The following PRKACB variants were observed in gnomAD, a reference collection of about 807,000 sequenced individuals.
PRKACB encodes cAMP-dependent protein kinase catalytic subunit beta.
PRKACB carries 16 observed loss-of-function variants against 51.4 expected under a neutral mutation model. That is an observed-to-expected ratio of 0.31 (90% CI 0.21 to 0.47). PRKACB has a LOEUF of 0.47. PRKACB is among the 20% of genes least tolerant of loss of function. The probability of loss-of-function intolerance (pLI) is 1.00; values close to 1 mark genes in which losing one functional copy is unlikely to be tolerated. For missense variants in PRKACB, 309 were observed against 464.5 expected (o/e 0.67, Z 3.08); for synonymous variants, 147 against 154.4 (o/e 0.95, Z 0.35).
At chr1:84,182,111 T>C in intron 2 of PRKACB, 89 bp from the exon 3 acceptor site, 3 of 973,592 alleles carry the variant, frequency 3.1e-6, no homozygotes, top group Non-Finnish European at 4.2e-6. Flanking sequence ...AATGGGATTA[T>C]CCATTATGAT....
intron 1 of PRKACB, among the ~76,000 whole-genome samples, chr1:84,100,715 C>T (rs1197468006): frequency 6.6e-6 from 1 of 152,138 alleles, no homozygotes; most frequent in Non-Finnish European, 1.5e-5. Flanking sequence ...ATCTACCTAC[C>T]TATCAAGTTT....
chr1:84,162,435 T>C (rs1322543415), intron 1 of PRKACB, among the ~76,000 whole-genome samples: 7 of 152,052 alleles, frequency 4.6e-5, no homozygotes, highest in Admixed American at 2.6e-4. Context: ...GTTGGTTCCC[T>C]TGATATCCCA....
intron 1 of PRKACB, among the ~76,000 whole-genome samples, chr1:84,144,759 G>A (rs1653814320): frequency 6.6e-6 from 1 of 151,974 alleles, no homozygotes; most frequent in South Asian, 2.1e-4. Flanking sequence ...TTTTATTTTT[G>A]ACTAAGTTCA....
Position 84,214,175 on chromosome 1 carries a change from G to C in PRKACB, c.929G>C (p.Ser310Thr), listed in dbSNP as rs1331562094. Residue 310 changes from serine (S) to threonine (T), a missense_variant, in exon 9 of 10, where the codon AGT (serine) becomes ACT (threonine). Coordinates refer to ENST00000370685, the MANE Select transcript of PRKACB (RefSeq NM_182948.4). ...SGKVRFPSHF[S>T]SDLKDLLRNL... is the part of the protein sequence containing the mutation. ...TAGGTCCGATTCCCATCCCACTTCA[G>C]TTCAGATCTCAAGGACCTTCTACGG... 1.2e-6 allele frequency: 2 copies of C among 1,612,022 alleles called. No homozygotes were observed.
At chr1:84,168,901 G>A (rs1658442487) in intron 1 of PRKACB, among the ~76,000 whole-genome samples, 1 of 151,450 alleles carries the variant, frequency 6.6e-6, no homozygotes, top group African/African-American at 2.4e-5. Context: ...GACATAGAAG[G>A]CATCACTACC....
intron 1 of PRKACB, among the ~76,000 whole-genome samples, chr1:84,169,433 G>T (rs1658649165): frequency 6.6e-6 from 1 of 151,538 alleles, no homozygotes; most frequent in Non-Finnish European, 1.5e-5. Flanking sequence ...AATAAACCTG[G>T]CATTTTTAGA....
chr1:84,133,227 A>C (rs1343914284), intron 1 of PRKACB, among the ~76,000 whole-genome samples: 3 of 152,164 alleles, frequency 2.0e-5, no homozygotes, highest in Non-Finnish European at 4.4e-5. Flanking sequence ...AGTAGAGTAA[A>C]ATATTTTAAA....
intron 1 of PRKACB, among the ~76,000 whole-genome samples, chr1:84,154,024 C>T (rs1310281624): frequency 6.6e-6 from 1 of 152,102 alleles, no homozygotes; most frequent in Non-Finnish European, 1.5e-5. Context: ...AGGTCTTAAC[C>T]AGTGCTTGTT....
At chr1:84,087,618 A>G (rs1282728930) in intron 1 of PRKACB, among the ~76,000 whole-genome samples, 1 of 152,104 alleles carries the variant, frequency 6.6e-6, no homozygotes, top group Non-Finnish European at 1.5e-5. Context: ...GCTGGACTCA[A>G]ACTCCTGGGC....
At chr1:84,144,208 T>A (rs901287940), upstream of PRKACB, 1 of 1,377,464 alleles carries the variant, frequency 7.3e-7, no homozygotes, top group Non-Finnish European at 9.5e-7. Flanking sequence ...ATGTGCTGTT[T>A]TATATTAACA....
intron 8 of PRKACB, among the ~76,000 whole-genome samples, chr1:84,210,553 T>C (rs1671975557): frequency 6.6e-6 from 1 of 152,188 alleles, no homozygotes; most frequent in African/African-American, 2.4e-5. Flanking sequence ...GGAGCTCAGA[T>C]TCCTTATCTT....
intron 1 of PRKACB, among the ~76,000 whole-genome samples, chr1:84,115,630 C>T (rs960125185): frequency 2.6e-5 from 4 of 151,846 alleles, no homozygotes; most frequent in African/African-American, 7.3e-5. Flanking sequence ...CGCCTATAAT[C>T]TCAGCACTTT....
chr1:84,103,506 A>G (rs1649509180), intron 1 of PRKACB, among the ~76,000 whole-genome samples: 1 of 152,164 alleles, frequency 6.6e-6, no homozygotes, highest in Non-Finnish European at 1.5e-5. Flanking sequence ...CCTTTTAGTC[A>G]GCCCAGCCTT....
intron 1 of PRKACB, among the ~76,000 whole-genome samples, chr1:84,163,007 G>T (rs1177240713): frequency 2.0e-5 from 3 of 151,908 alleles, no homozygotes; most frequent in Non-Finnish European, 4.4e-5. Context: ...TGTGACTACT[G>T]ATTTCTCTGC....
intron 1 of PRKACB, among the ~76,000 whole-genome samples, chr1:84,095,769 T>A (rs967312885): frequency 2.0e-5 from 3 of 152,032 alleles, no homozygotes; most frequent in Admixed American, 6.6e-5. Flanking sequence ...TACATGTATA[T>A]GTAAAATTTC....
rs183539914 is a variant in PRKACB at position 84,211,076 on chromosome 1, G to T, written c.907-3077G>T. Among the ~76,000 whole-genome samples the T allele has an allele frequency of 2.9e-3, 434 of 151,080 alleles. 2 individuals carry two copies. The highest frequency in any genetic ancestry group is 3.4e-3 in the Non-Finnish European group (228 of 67,770). On this transcript the variant is annotated intron_variant, in intron 8 of 9. Transcript: ENST00000370685. ...GAGGATATGTCTATGATTTGAAAAG[G>T]TTCCCAAATCGTTCTGATATCTGCT...
intron 1 of PRKACB, among the ~76,000 whole-genome samples, chr1:84,165,394 A>G (rs929586465): frequency 4.0e-5 from 6 of 151,784 alleles, no homozygotes; most frequent in Non-Finnish European, 8.8e-5. Context: ...TGTCATTCCT[A>G]ATGCTAATTT....
intron 1 of PRKACB, among the ~76,000 whole-genome samples, chr1:84,093,933 A>G (rs1041351186): frequency 2.2e-4 from 34 of 151,962 alleles, no homozygotes; most frequent in African/African-American, 7.2e-4. Flanking sequence ...ATATAAGCAT[A>G]GGGTTAGAAA....
At chr1:84,164,459 T>C (rs1290709130) in intron 1 of PRKACB, 1 of 1,554,820 alleles carries the variant, frequency 6.4e-7, no homozygotes, top group Non-Finnish European at 8.7e-7. Flanking sequence ...TTTTCATATC[T>C]TTGAAAGATG....
Sources: allele counts gnomAD v4.1 joint callset (sites outside exome capture counted in the v4.1 genomes callset), GRCh38; gene constraint gnomAD v4.1.1; transcripts MANE v1.5; gene names NCBI Gene and HGNC (gene_info 2026-07-23, HGNC 2026-07-21).